KAT6B: variants seen among roughly 807,000 people sequenced by gnomAD.
KAT6B encodes lysine acetyltransferase 6B, also known as histone acetyltransferase KAT6B.
KAT6B carries 10 observed loss-of-function variants against 187.5 expected under a neutral mutation model. That is an observed-to-expected ratio of 0.05 (90% confidence interval 0.03 to 0.09). The LOEUF (loss-of-function observed/expected upper bound fraction) is 0.09. Among genes scored for constraint, KAT6B ranks in the 10% least tolerant of loss-of-function variants. The pLI is 1.00. For missense variants in KAT6B, 1,952 were observed against 2,558.9 expected (o/e 0.76, Z 5.12); for synonymous variants, 861 against 926.8 (o/e 0.93, Z 1.29).
intron 3 of KAT6B, among the ~76,000 whole-genome samples, chr10:74,874,832 ATG>A (rs1050490211): frequency 8.0e-5 from 12 of 150,332 alleles, no homozygotes; most frequent in African/African-American, 2.2e-4. Flanking sequence ...GTGTGTGTGT[ATG>A]TGTGTGTGTG....
chr10:74,895,130 C>G (rs1845901403), intron 3 of KAT6B, among the ~76,000 whole-genome samples: 1 of 150,686 alleles, frequency 6.6e-6, no homozygotes, highest in African/African-American at 2.4e-5. Flanking sequence ...TTGCATTTCT[C>G]TAATGATTAG....
chr10:74,873,390 A>AG (rs1844156069), intron 3 of KAT6B, among the ~76,000 whole-genome samples: 1 of 151,962 alleles, frequency 6.6e-6, no homozygotes, highest in Admixed American at 6.6e-5. Flanking sequence ...GCTTGAGCCC[A>AG]GGAATACAAG....
intron 12 of KAT6B, among the ~76,000 whole-genome samples, chr10:74,986,710 C>A (rs941423296): frequency 6.6e-6 from 1 of 152,166 alleles, no homozygotes; most frequent in Non-Finnish European, 1.5e-5. Flanking sequence ...AATAGGAAAT[C>A]TATATGATTA....
At chr10:75,005,719 G>T (rs11816422) in intron 13 of KAT6B, among the ~76,000 whole-genome samples, 2,822 of 152,002 alleles carry the variant, frequency 0.019, 104 homozygotes, top group African/African-American at 0.065. Context: ...TGGATTTGTG[G>T]TTAGCATGTT....
chr10:74,953,672 A>G (rs190736685), intron 3 of KAT6B, among the ~76,000 whole-genome samples: 43 of 152,284 alleles, frequency 2.8e-4, no homozygotes, highest in Non-Finnish European at 5.1e-4. Context: ...GGGATTATGG[A>G]GAGAGAGGGT....
intron 3 of KAT6B, among the ~76,000 whole-genome samples, chr10:74,931,980 G>A (rs1471807799): frequency 6.6e-6 from 1 of 152,228 alleles, no homozygotes; most frequent in East Asian, 1.9e-4. Flanking sequence ...CCAAAGTGCT[G>A]GGATTACAGG....
chr10:74,832,951 C>T (rs1010757698), intron 1 of KAT6B, among the ~76,000 whole-genome samples: 15 of 151,544 alleles, frequency 9.9e-5, no homozygotes, highest in Admixed American at 4.6e-4. Flanking sequence ...GGTAAAACCC[C>T]GTCTCTACTA....
At chr10:74,969,324 G>A (rs1402075728) in intron 4 of KAT6B, among the ~76,000 whole-genome samples, 1 of 152,192 alleles carries the variant, frequency 6.6e-6, no homozygotes, top group African/African-American at 2.4e-5. Flanking sequence ...TGGGTAGATG[G>A]TGGTTGATGA....
chr10:75,024,986 G>A lies in KAT6B; in HGVS notation c.3401G>A (p.Gly1134Asp), dbSNP rs1845710221. The A allele has an allele frequency of 6.2e-7, 1 of 1,614,208 alleles. No individual in the cohort carries two copies. The highest frequency in any genetic ancestry group is 8.5e-7 in the Non-Finnish European group (1 of 1,180,026). The change falls in exon 17 of 18, where the codon GGT becomes GAT. Residue 1134 changes from glycine (G) to aspartate (D), a missense_variant. Physicochemically the swap from Gly to Asp is moderately conservative, Grantham distance 94. Around this residue, in one of 9 missense-constraint regions of KAT6B, gnomAD observed 758 missense variants for 891.4 expected, o/e 0.85. Coordinates refer to ENST00000287239, the MANE Select transcript of KAT6B (RefSeq NM_012330.4). ...CCTTTTGTACTAAAGAAGAAAAGGG[G>A]TCGTAAACGCAGGAGGATCAACAGC... ...KRPFVLKKKR[G>D]RKRRRINSSV...
At chr10:74,872,683 A>ATT (rs56753846) in intron 3 of KAT6B, among the ~76,000 whole-genome samples, 3,446 of 143,718 alleles carry the variant, frequency 0.024, 134 homozygotes, top group African/African-American at 0.081. Flanking sequence ...TGGCTAATTA[A>ATT]TTTTTTTTTT....
intron 6 of KAT6B, among the ~76,000 whole-genome samples, chr10:74,970,586 C>T (rs535298788): frequency 1.3e-5 from 2 of 152,206 alleles, no homozygotes; most frequent in South Asian, 4.2e-4. Context: ...CTGATTGTGT[C>T]TGATGGAATG....
chr10:74,944,330 G>A (rs969197029), intron 3 of KAT6B, among the ~76,000 whole-genome samples: 3 of 152,184 alleles, frequency 2.0e-5, no homozygotes, highest in African/African-American at 7.2e-5. Context: ...ATCCCTGGAG[G>A]GAGTGATAGC....
chr10:74,845,706 T>C (rs1340092123), intron 3 of KAT6B, among the ~76,000 whole-genome samples: 1 of 151,254 alleles, frequency 6.6e-6, no homozygotes, highest in African/African-American at 2.4e-5. Context: ...CCATGTTGCC[T>C]GGGCTAAGTA....
intron 3 of KAT6B, among the ~76,000 whole-genome samples, chr10:74,929,003 T>A (rs1344185421): frequency 6.6e-6 from 1 of 152,140 alleles, no homozygotes; most frequent in African/African-American, 2.4e-5. Flanking sequence ...ATGGTCAAGA[T>A]TTGTTTAGTG....
chr10:74,907,721 G>C (rs937214210), intron 3 of KAT6B, among the ~76,000 whole-genome samples: 43 of 152,092 alleles, frequency 2.8e-4, no homozygotes, highest in African/African-American at 9.2e-4. Context: ...GTAGAGACAG[G>C]GTTTCACAAT....
Position 75,028,897 on chromosome 10 carries a change from A to C in KAT6B, c.4073A>C (p.Glu1358Ala). 1 of 1,612,700 alleles carries C rather than the reference A, an allele frequency of 6.2e-7. No individual in the cohort carries two copies. The highest frequency in any genetic ancestry group is 8.5e-7 in the Non-Finnish European group (1 of 1,179,242). ...IKPEEEEEEE[E>A]EEEEEEEEEE... Reference sequence around the variant, plus strand: ...CCTGAGGAAGAGGAAGAGGAGGAGGAGGAGGAAGAGGAAGAAGAGGAAGAA... The same window carrying C: ...CCTGAGGAAGAGGAAGAGGAGGAGGCGGAGGAAGAGGAAGAAGAGGAAGAA... Residue 1358 changes from glutamate to alanine, a missense_variant, in exon 18 of 18, where the codon GAG becomes GCG. Transcript: ENST00000287239.
At chr10:74,886,477 C>A (rs1193532001) in intron 3 of KAT6B, among the ~76,000 whole-genome samples, 1 of 152,132 alleles carries the variant, frequency 6.6e-6, no homozygotes, top group Non-Finnish European at 1.5e-5. Context: ...TATAAATATT[C>A]CTTTAAACGT....
intron 3 of KAT6B, among the ~76,000 whole-genome samples, chr10:74,869,132 T>C (rs982173783): frequency 2.6e-5 from 4 of 152,206 alleles, no homozygotes; most frequent in African/African-American, 9.6e-5. Flanking sequence ...TGAAACACTG[T>C]TTAGACTCTT....
chr10:74,940,421 AC>A (rs1345891480), intron 3 of KAT6B, among the ~76,000 whole-genome samples: 1 of 151,358 alleles, frequency 6.6e-6, no homozygotes, highest in Non-Finnish European at 1.5e-5. Flanking sequence ...GACTACAGGC[AC>A]GTGCCACCAT....
Sources: allele counts gnomAD v4.1 joint callset (sites outside exome capture counted in the v4.1 genomes callset), GRCh38; gene constraint gnomAD v4.1.1; regional missense constraint gnomAD v4.1.1; transcripts MANE v1.5; gene names NCBI Gene and HGNC (gene_info 2026-07-23, HGNC 2026-07-21).